The following PDE3A variants were observed in gnomAD, a reference collection of about 807,000 sequenced individuals.
The protein encoded by PDE3A is phosphodiesterase 3A.
Under a neutral mutation model 98.3 loss-of-function variants are expected in PDE3A, and 43 were observed. That is an observed-to-expected ratio of 0.44 (90% CI 0.34 to 0.56). The LOEUF (loss-of-function observed/expected upper bound fraction) is 0.56. Ranked by LOEUF, PDE3A falls within the 20% of genes least tolerant of loss-of-function variation. The pLI is 0.01. For synonymous variants in PDE3A, 663 were observed against 567.9 expected (o/e 1.17, Z -2.38); for missense variants, 1,427 against 1,440.7 (o/e 0.99, Z 0.15).
At chr12:20,623,070 A>G (rs1000920769) in intron 5 of PDE3A, among the ~76,000 whole-genome samples, 10 of 152,176 alleles carry the variant, frequency 6.6e-5, no homozygotes, top group Admixed American at 6.6e-4. Flanking sequence ...CAGAGCAGCT[A>G]AATGTAACTT....
intron 14 of PDE3A, 40 bp from the exon 15 acceptor site, chr12:20,653,907 T>C (rs1351935807): frequency 1.6e-5 from 25 of 1,599,180 alleles, no homozygotes; most frequent in Non-Finnish European, 2.1e-5. Context: ...AAATTTCAGA[T>C]GCCAGGTGAA....
chr12:20,504,509 T>A (rs1288151574), intron 1 of PDE3A, among the ~76,000 whole-genome samples: 1 of 152,130 alleles, frequency 6.6e-6, no homozygotes, highest in Non-Finnish European at 1.5e-5. Context: ...TTTATTAATT[T>A]TATAATTCTA....
intron 3 of PDE3A, 60 bp downstream of exon 3, chr12:20,613,760 G>A (rs1418106838): frequency 7.5e-7 from 1 of 1,330,954 alleles, no homozygotes; most frequent in African/African-American, 1.4e-5. Context: ...TGTCTTCTAG[G>A]TCTCCTTCCT....
chr12:20,552,907 C>A lies in PDE3A; in HGVS notation c.961-3753C>A, dbSNP rs1377404699. 6 of 1,603,234 alleles carry A rather than the reference C, an allele frequency of 3.7e-6. No individual in the cohort carries two copies. Among genetic ancestry groups the A allele is most frequent in the Non-Finnish European group, 4.3e-6 (5 of 1,175,236 alleles). The stretch of plus-strand genomic sequence containing the variant: ...CTTTCGGGCACAGGTGTTCAGCTGC[C>A]CTGCCTGCCGCTACGACCTGGGCCG... On this transcript the variant is annotated intron_variant, in intron 1 of 15. Transcript: ENST00000359062. The surrounding 1 kb of genome is among the most constrained non-coding windows in gnomAD (Gnocchi z 5.1).
chr12:20,647,215 G>A (rs934227825), intron 12 of PDE3A, among the ~76,000 whole-genome samples: 15 of 152,040 alleles, frequency 9.9e-5, no homozygotes, highest in African/African-American at 3.4e-4. Context: ...TCATGTTAAT[G>A]GACCTCTTTA....
At chr12:20,507,848 C>A (rs1946147054) in intron 1 of PDE3A, among the ~76,000 whole-genome samples, 1 of 152,098 alleles carries the variant, frequency 6.6e-6, no homozygotes, top group Non-Finnish European at 1.5e-5. Flanking sequence ...GCTCTGATTA[C>A]TACAGAAACC....
intron 2 of PDE3A, among the ~76,000 whole-genome samples, chr12:20,600,394 A>C (rs1455316012): frequency 6.6e-6 from 1 of 152,164 alleles, no homozygotes; most frequent in Non-Finnish European, 1.5e-5. Context: ...TGATGATGCC[A>C]GTATTCTACA....
intron 2 of PDE3A, among the ~76,000 whole-genome samples, chr12:20,581,822 C>T (rs963143793): frequency 3.3e-5 from 5 of 151,706 alleles, no homozygotes; most frequent in African/African-American, 1.2e-4. Context: ...CCGTTTTAGC[C>T]GGGATGGTCT....
At chr12:20,621,207 A>G in intron 4 of PDE3A, 89 bp from the exon 5 acceptor site, 1 of 722,482 alleles carries the variant, frequency 1.4e-6, no homozygotes, top group Non-Finnish European at 2.5e-6. Context: ...TATTAGAGAA[A>G]TGATGGTTGG....
intron 1 of PDE3A, among the ~76,000 whole-genome samples, chr12:20,517,488 A>G (rs1445406386): frequency 6.6e-6 from 1 of 152,200 alleles, no homozygotes; most frequent in Non-Finnish European, 1.5e-5. Flanking sequence ...TCCGTTGTAT[A>G]ATGGGCACCA....
rs1450449990 is a variant in PDE3A at position 20,682,976 on chromosome 12, G to A, written c.*2705G>A. 6.6e-6 allele frequency: 1 copy of A among 151,760 alleles called. No homozygotes were observed. The highest frequency in any genetic ancestry group is 2.4e-5 in the African/African-American group (1 of 41,376). The allele number at this position is 151,760 out of a possible 1,614,324, so 9.4% of individuals were successfully genotyped here. On this transcript the variant is annotated 3_prime_UTR_variant, in exon 16 of 16. Coordinates refer to ENST00000359062, the MANE Select transcript of PDE3A (RefSeq NM_000921.5). The stretch of plus-strand genomic sequence containing the variant: ...TGGTGGAAGTCTCAGCAAACTGCCT[G>A]GTTTTGTTTGTTTGTTTTGTTTTAA...
chr12:20,551,835 C>T, intron 1 of PDE3A: 1 of 1,613,922 alleles, frequency 6.2e-7, no homozygotes, highest in Non-Finnish European at 8.5e-7. Flanking sequence ...AGGGCATGGC[C>T]TGTGTGGGCC....
rs558259576 is a variant in PDE3A at position 20,438,021 on chromosome 12, T to TTA, written c.960+67778_960+67779dup. Among the ~76,000 whole-genome samples, 17 of 152,232 alleles carry TTA rather than the reference T, an allele frequency of 1.1e-4. 1 individual carries two copies. In the South Asian group the frequency reaches 3.3e-3, roughly 30 times the overall value. ...CCAGTCAAAGCAGGAAATCATTTTG[T>TTA]TACAATTGTCTTACAAAGCAGCCCT... On this transcript the variant is annotated intron_variant, in intron 1 of 15. Transcript: ENST00000359062.
intron 1 of PDE3A, among the ~76,000 whole-genome samples, chr12:20,492,706 G>T (rs1945850420): frequency 6.6e-6 from 1 of 152,068 alleles, no homozygotes; most frequent in Non-Finnish European, 1.5e-5. Context: ...GAGCAGGTGG[G>T]GGCAGGGCAG....
At chr12:20,450,342 C>A (rs1005546469) in intron 1 of PDE3A, among the ~76,000 whole-genome samples, 2 of 152,164 alleles carry the variant, frequency 1.3e-5, no homozygotes, top group African/African-American at 2.4e-5. Flanking sequence ...GTGAATTAGC[C>A]CTTTCCCTTG....
At chr12:20,430,601 C>T (rs1373954144) in intron 1 of PDE3A, among the ~76,000 whole-genome samples, 4 of 151,802 alleles carry the variant, frequency 2.6e-5, no homozygotes, top group South Asian at 4.2e-4. Context: ...AAAACACTGC[C>T]CTGAAAGGAA....
At chr12:20,547,818 C>G (rs920849687) in intron 1 of PDE3A, among the ~76,000 whole-genome samples, 10 of 151,990 alleles carry the variant, frequency 6.6e-5, no homozygotes, top group African/African-American at 2.4e-4. Flanking sequence ...AACATATAAA[C>G]ATGAAAGCAA....
intron 1 of PDE3A, among the ~76,000 whole-genome samples, chr12:20,439,088 C>A (rs1411175825): frequency 6.6e-6 from 1 of 152,016 alleles, no homozygotes; most frequent in African/African-American, 2.4e-5. Flanking sequence ...AGTCACTGTG[C>A]CTGACCAATA....
intron 1 of PDE3A, among the ~76,000 whole-genome samples, chr12:20,517,932 G>A (rs900097367): frequency 1.3e-5 from 2 of 152,052 alleles, no homozygotes; most frequent in Non-Finnish European, 2.9e-5. Context: ...AGTAACACCC[G>A]TTTACAAAGA....
Sources: allele counts gnomAD v4.1 joint callset (sites outside exome capture counted in the v4.1 genomes callset), GRCh38; gene constraint gnomAD v4.1.1; non-coding constraint Gnocchi (gnomAD v3.1); transcripts MANE v1.5; gene names NCBI Gene and HGNC (gene_info 2026-07-23, HGNC 2026-07-21).